Variants in ALDH6A1 observed in about 807,000 individuals in gnomAD.
ALDH6A1 encodes aldehyde dehydrogenase 6 family member A1, also known as methylmalonate-semialdehyde/malonate-semialdehyde dehydrogenase [acylating], mitochondrial.
Under a neutral mutation model 62.6 loss-of-function variants are expected in ALDH6A1, and 43 were observed. The observed-to-expected ratio is 0.69, with a 90% CI of 0.54 to 0.89. The LOEUF (loss-of-function observed/expected upper bound fraction) is 0.89. Among genes scored for constraint, ALDH6A1 ranks in the 40% least tolerant of loss-of-function variants. The pLI, the probability that ALDH6A1 is intolerant of heterozygous loss-of-function variation, is 0.00. For synonymous variants in ALDH6A1, 194 were observed against 234.2 expected (o/e 0.83, Z 1.57); for missense variants, 551 against 661.3 (o/e 0.83, Z 1.83).
intron 5 of ALDH6A1, 151 bp from the exon 6 acceptor site, chr14:74,071,648 A>C: frequency 6.5e-7 from 1 of 1,541,214 alleles, no homozygotes; most frequent in Non-Finnish European, 8.7e-7. Context: ...GGGTTTGTGC[A>C]AAATGAGATT....
At position 74,058,578 on chromosome 14, in the gene ALDH6A1, A is replaced by G. The variant is rs1369863564; in HGVS notation, c.*2064T>C. 6.7e-6 allele frequency: 1 copy of G among 150,156 alleles called. No homozygotes were observed. The highest frequency in any genetic ancestry group is 2.0e-4 in the East Asian group (1 of 5,128). 9.3% of individuals were successfully genotyped at this position (150,156 alleles called of 1,614,324 possible). A position where few individuals can be genotyped will look rare whatever the true frequency, so the allele number is the denominator to read the frequency against. ...GTAATAAGCCTCAAATCCACAGGGT[A>G]CACAACATTTTCAAGGTCTTTTTTT... is the stretch of plus-strand genomic sequence containing the variant. On this transcript the variant is annotated 3_prime_UTR_variant, in exon 12 of 12. Coordinates refer to ENST00000553458, the MANE Select transcript of ALDH6A1 (RefSeq NM_005589.4).
intron 1 of ALDH6A1, 27 bp downstream of exon 1, chr14:74,084,320 T>C (rs1198437472): frequency 5.0e-6 from 8 of 1,613,756 alleles, no homozygotes; most frequent in Admixed American, 1.7e-5. Flanking sequence ...CCTAGCTTCA[T>C]GGTGCCTTGG....
At chr14:74,066,677 T>C in intron 9 of ALDH6A1, 28 bp downstream of exon 9, 1 of 1,607,328 alleles carries the variant, frequency 6.2e-7, no homozygotes, top group Non-Finnish European at 8.5e-7. Context: ...CCTTCAGCTC[T>C]CATATTTGTG....
intron 6 of ALDH6A1, chr14:74,069,401 CTG>C (rs1165647912): frequency 8.1e-6 from 2 of 246,026 alleles, no homozygotes; most frequent in African/African-American, 2.3e-5. Flanking sequence ...TGCATCAGGC[CTG>C]TGTTTTTCTG....
chr14:74,076,420 G>T (rs745940994), intron 1 of ALDH6A1, among the ~76,000 whole-genome samples: 1 of 152,160 alleles, frequency 6.6e-6, no homozygotes, highest in Admixed American at 6.5e-5. Context: ...GGAGTGCAGT[G>T]GCATGATCTC....
chr14:74,061,604 G>GCATGAGCCA (rs1463830795), intron 11 of ALDH6A1, among the ~76,000 whole-genome samples: 2 of 152,122 alleles, frequency 1.3e-5, no homozygotes, highest in African/African-American at 2.4e-5. Context: ...GGGATCACAG[G>GCATGAGCCA]CATGAGCCAC....
chr14:74,084,246 G>T (rs891732579), intron 1 of ALDH6A1, 101 bp downstream of exon 1: 2 of 1,559,826 alleles, frequency 1.3e-6, no homozygotes, highest in Non-Finnish European at 1.7e-6. Flanking sequence ...GCCAAAAAGG[G>T]GTTGGGCCAA....
At chr14:74,074,434 G>A (rs150408198) in intron 2 of ALDH6A1, among the ~76,000 whole-genome samples, 2 of 151,632 alleles carry the variant, frequency 1.3e-5, no homozygotes, top group Non-Finnish European at 2.9e-5. Context: ...CTACAGGTGC[G>A]TGCCACCATG....
chr14:74,068,378 C>CA (rs952515901), intron 7 of ALDH6A1, among the ~76,000 whole-genome samples: 18 of 130,542 alleles, frequency 1.4e-4, no homozygotes, highest in South Asian at 6.1e-4. Flanking sequence ...GACTCTGTCT[C>CA]AAAAAAAAAG....
rs375211888 is a variant in ALDH6A1, at chr14:74,068,953, G to A, written c.759C>T (p.Asp253=). The part of the protein sequence containing the change: ...EAVNFICDHP[D]IKAISFVGSN... ...ATCCCACAAAGCTGATTGCTTTGATGTCCGGATGATCGCAAATAAAATTTA... is the reference window on the plus strand; with the variant it reads ...ATCCCACAAAGCTGATTGCTTTGATATCCGGATGATCGCAAATAAAATTTA... The change falls in exon 7 of 12, where the codon GAC becomes GAT. Residue 253 remains aspartate (D), a synonymous_variant. Transcript: ENST00000553458. The A allele has an allele frequency of 5.6e-6, 9 of 1,613,974 alleles. No individual in the cohort carries two copies. The highest frequency in any genetic ancestry group is 4.4e-5 in the South Asian group (4 of 91,074).
Position 74,060,513 on chromosome 14 carries a change from C to T in ALDH6A1, c.*129G>A. On this transcript the variant is annotated 3_prime_UTR_variant, in exon 12 of 12. Transcript: ENST00000553458. ...TAGAAACTTTGCGGGGGTTAATAGT[C>T]CTGAGGAAGATTTTAGTTACAATGT... is the stretch of plus-strand genomic sequence containing the variant. 1 of 771,952 alleles carries T rather than the reference C, an allele frequency of 1.3e-6. No individual in the cohort carries two copies. The highest frequency in any genetic ancestry group is 2.3e-6 in the Non-Finnish European group (1 of 433,112). 47.8% of individuals were successfully genotyped at this position (771,952 alleles called of 1,614,324 possible). A position where few individuals can be genotyped will look rare whatever the true frequency, so the allele number is the denominator to read the frequency against.
At chr14:74,076,319 T>C (rs2060612345) in intron 1 of ALDH6A1, among the ~76,000 whole-genome samples, 1 of 152,202 alleles carries the variant, frequency 6.6e-6, no homozygotes, top group African/African-American at 2.4e-5. Flanking sequence ...TTCAACAAGA[T>C]AACTCTCAAA....
rs2060596267 is a variant in ALDH6A1 at position 74,074,978 on chromosome 14, C to CTGAA, written c.84_87dup (p.Ala30PhefsTer22). On this transcript the variant is annotated frameshift_variant, in exon 2 of 12. Coordinates refer to ENST00000553458, the MANE Select transcript of ALDH6A1 (RefSeq NM_005589.4). LOFTEE classifies it high-confidence loss of function. ...ACCACTGAAGAAGAGAAGGAAGATG[C>CTGAA]TGAATACCAGGTGGGACTGGATTTC... 1 of 1,614,056 alleles carries CTGAA rather than the reference C, an allele frequency of 6.2e-7. No individual in the cohort carries two copies. Among genetic ancestry groups the CTGAA allele is most frequent in the East Asian group, 2.2e-5 (1 of 44,850 alleles).
intron 6 of ALDH6A1, chr14:74,070,755 AG>A (rs761809387): frequency 7.6e-5 from 14 of 183,262 alleles, no homozygotes; most frequent in Non-Finnish European, 1.4e-4. Flanking sequence ...CCTACCTCAA[AG>A]GGTGATTATA....
chr14:74,082,279 A>G (rs1365604032), intron 1 of ALDH6A1, among the ~76,000 whole-genome samples: 1 of 151,520 alleles, frequency 6.6e-6, no homozygotes, highest in Non-Finnish European at 1.5e-5. Context: ...AAGTTTGACT[A>G]CTCTTCGTGG....
At position 74,065,128 on chromosome 14, in the gene ALDH6A1, C is replaced by G. The variant is rs2060439341; in HGVS notation, c.1404+53G>C. 14 of 1,588,704 alleles carry G rather than the reference C, an allele frequency of 8.8e-6. No homozygotes were observed. The East Asian group carries it at 3.1e-4, about 36-fold the overall frequency. On this transcript the variant is annotated intron_variant, in intron 10 of 11. Transcript: ENST00000553458. ...GACTCACCATTATTTACTGTTTCCT[C>G]TTAGGAAATAGTAAATGGATATAAG...
chr14:74,068,965 G>A lies in ALDH6A1; in HGVS notation c.747C>T (p.Cys249=), dbSNP rs368626086. ...HGQHEAVNFI[C]DHPDIKAISF... The stretch of plus-strand genomic sequence containing the variant: ...TGATTGCTTTGATGTCCGGATGATC[G>A]CAAATAAAATTTACAGCTTTAAGAA... The change falls in exon 7 of 12, where the codon TGC becomes TGT. Residue 249 remains cysteine, a synonymous_variant. Transcript: ENST00000553458. The A allele has an allele frequency of 5.9e-5, 96 of 1,613,686 alleles. No homozygotes were observed. The highest frequency in any genetic ancestry group is 7.5e-5 in the Non-Finnish European group (88 of 1,179,896).
chr14:74,067,556 T>C lies in ALDH6A1; in HGVS notation c.866A>G (p.His289Arg). The change falls in exon 8 of 12, where the codon CAT becomes CGT. Residue 289 changes from histidine (H) to arginine (R), a missense_variant. By Grantham distance (29) the His-to-Arg change is conservative. Coordinates refer to ENST00000553458, the MANE Select transcript of ALDH6A1 (RefSeq NM_005589.4). ...ATTGGCATCTGGCATGACTACCCCA[T>C]GGTTCTTGGCTCCCTAAAAAAAAAT... Reference protein sequence around the residue: ...RVQANMGAKNHGVVMPDANKE... With the variant: ...RVQANMGAKNRGVVMPDANKE... 2 of 1,613,992 alleles carry C rather than the reference T, an allele frequency of 1.2e-6. No individual in the cohort carries two copies. Among genetic ancestry groups the C allele is most frequent in the Non-Finnish European group, 1.7e-6 (2 of 1,180,002 alleles).
At chr14:74,064,716 C>A (rs1227826909) in intron 11 of ALDH6A1, 106 bp downstream of exon 11, 29 of 1,613,692 alleles carry the variant, frequency 1.8e-5, no homozygotes, top group Non-Finnish European at 2.5e-5. Flanking sequence ...CTGATTATGA[C>A]CTCACAGATG....
Sources: gnomAD v4.1 joint callset for allele counts (sites outside exome capture counted in the v4.1 genomes callset) on GRCh38, gnomAD v4.1.1 for gene constraint, MANE v1.5 for transcripts, NCBI Gene and HGNC (gene_info 2026-07-23, HGNC 2026-07-21) for gene names.